KIAA1217: variants seen among roughly 807,000 people sequenced by gnomAD.
The protein encoded by KIAA1217 is KIAA1217, also known as sickle tail protein homolog.
Under a neutral mutation model 163.9 loss-of-function variants are expected in KIAA1217, and 88 were observed. The ratio of observed to expected loss-of-function variants is 0.54; its 90% CI spans 0.45 to 0.64. The LOEUF (loss-of-function observed/expected upper bound fraction) is 0.64. Ranked by LOEUF, KIAA1217 falls within the 30% of genes least tolerant of loss-of-function variation. KIAA1217 has a pLI of 0.00. For missense variants in KIAA1217, 2,372 were observed against 2,475.0 expected, an observed-to-expected ratio of 0.96 and a Z score of 0.88; for synonymous variants, 903 against 923.1, an observed-to-expected ratio of 0.98 and a Z score of 0.39.
rs4019609 is a variant in KIAA1217 at position 23,786,538 on chromosome 10, C to CAAAAAA, written c.-321+91314_-321+91319dup. ...ATTTTAAAGTCTATTCAGAAGTAGCCAAAAAAAAAAAAAAATTAGTTACAA... is the reference window on the plus strand; with the variant it reads ...ATTTTAAAGTCTATTCAGAAGTAGCCAAAAAAAAAAAAAAAAAAAAATTAGTTACAA... On this transcript the variant is annotated intron_variant, in intron 1 of 18. Transcript: ENST00000376462. Among the ~76,000 whole-genome samples the CAAAAAA allele has an allele frequency of 9.1e-3, 1,155 of 126,846 alleles. 14 individuals are homozygous for CAAAAAA. Among genetic ancestry groups the CAAAAAA allele is most frequent in the African/African-American group, 0.032 (1,116 of 34,646 alleles). 83.2% of individuals were successfully genotyped at this position (126,846 alleles called of 152,430 possible). A position where few individuals can be genotyped will look rare whatever the true frequency, so the allele number is the denominator to read the frequency against.
At chr10:23,759,381 C>T (rs1390768941) in intron 1 of KIAA1217, among the ~76,000 whole-genome samples, 1 of 152,066 alleles carries the variant, frequency 6.6e-6, no homozygotes, top group Non-Finnish European at 1.5e-5. Flanking sequence ...TCTTCCTTTC[C>T]AATTTGGATA....
At chr10:24,213,680 A>G (rs780603678) in intron 1 of KIAA1217, among the ~76,000 whole-genome samples, 1 of 152,136 alleles carries the variant, frequency 6.6e-6, no homozygotes, top group Non-Finnish European at 1.5e-5. Context: ...GTCAATAAAT[A>G]TTTGTATGAA....
intron 1 of KIAA1217, among the ~76,000 whole-genome samples, chr10:23,954,520 A>G (rs1844473278): frequency 6.6e-6 from 1 of 151,938 alleles, no homozygotes; most frequent in African/African-American, 2.4e-5. Context: ...AGCCATGAGC[A>G]TGCCACTGCA....
intron 2 of KIAA1217, among the ~76,000 whole-genome samples, chr10:24,321,439 G>A (rs555579395): frequency 1.4e-4 from 21 of 151,436 alleles, no homozygotes; most frequent in South Asian, 8.4e-4. Flanking sequence ...CTCAGGAGGC[G>A]GGAGAATTGC....
At chr10:23,754,733 G>A (rs990911738) in intron 1 of KIAA1217, among the ~76,000 whole-genome samples, 3 of 152,006 alleles carry the variant, frequency 2.0e-5, no homozygotes, top group African/African-American at 7.2e-5. Flanking sequence ...ACACTCAGCT[G>A]CTTAGATTTC....
At chr10:23,823,602 C>T (rs191633823) in intron 1 of KIAA1217, among the ~76,000 whole-genome samples, 70 of 152,196 alleles carry the variant, frequency 4.6e-4, no homozygotes, top group African/African-American at 1.6e-3. Context: ...TTCATAGGTT[C>T]CAGGGATTAG....
At chr10:24,318,081 A>G (rs1210616789) in intron 2 of KIAA1217, among the ~76,000 whole-genome samples, 1 of 152,142 alleles carries the variant, frequency 6.6e-6, no homozygotes, top group Non-Finnish European at 1.5e-5. Flanking sequence ...CGGAGGCAGG[A>G]AGATCACTTG....
intron 2 of KIAA1217, among the ~76,000 whole-genome samples, chr10:24,047,367 G>A (rs550641750): frequency 6.6e-6 from 1 of 152,090 alleles, no homozygotes; most frequent in Non-Finnish European, 1.5e-5. Flanking sequence ...CCTTGAGCAA[G>A]GCAATTATCC....
chr10:24,363,579 T>C (rs1374640514), intron 2 of KIAA1217, among the ~76,000 whole-genome samples: 3 of 151,360 alleles, frequency 2.0e-5, no homozygotes, highest in Non-Finnish European at 4.4e-5. Flanking sequence ...TTTTTTTTTT[T>C]TTTGAAACAG....
intron 2 of KIAA1217, among the ~76,000 whole-genome samples, chr10:24,274,771 A>T (rs1234108671): frequency 3.3e-5 from 5 of 152,112 alleles, no homozygotes; most frequent in Admixed American, 1.3e-4. Context: ...TAAAATATAT[A>T]TTATTGATTC....
chr10:24,445,688 T>C (rs1185826379), intron 5 of KIAA1217, among the ~76,000 whole-genome samples: 4 of 151,960 alleles, frequency 2.6e-5, no homozygotes, highest in Admixed American at 2.6e-4. Flanking sequence ...GCTTCATCCA[T>C]GTCCCTACAA....
chr10:24,182,369 G>C (rs1042937106), intron 2 of KIAA1217, among the ~76,000 whole-genome samples: 2 of 151,774 alleles, frequency 1.3e-5, no homozygotes, highest in Admixed American at 6.6e-5. Context: ...CCGGGGAGGT[G>C]GGGGGAGGGC....
At position 23,771,001 on chromosome 10, in the gene KIAA1217, C is replaced by T. The variant is rs530972987; in HGVS notation, c.-321+75767C>T. Reference sequence around the variant, plus strand: ...TTCTTTCTGTGATCAGCCCTTTTCTCCTTTCATCACCTTGATACAAGTCAT... The same window carrying T: ...TTCTTTCTGTGATCAGCCCTTTTCTTCTTTCATCACCTTGATACAAGTCAT... On this transcript the variant is annotated intron_variant, in intron 1 of 18. Coordinates refer to the KIAA1217 transcript ENST00000376462. 3.3e-5 allele frequency among the ~76,000 whole-genome samples: 5 copies of T among 152,324 alleles called. No homozygotes were observed. The South Asian group carries it at 1.0e-3, about 32-fold the overall frequency.
At chr10:24,503,840 C>T (rs919667018) in intron 9 of KIAA1217, among the ~76,000 whole-genome samples, 3 of 152,166 alleles carry the variant, frequency 2.0e-5, no homozygotes, top group African/African-American at 7.2e-5. Flanking sequence ...CATCTGCTGG[C>T]CATTTCGAAA....
intron 1 of KIAA1217, among the ~76,000 whole-genome samples, chr10:23,801,810 G>C (rs920228659): frequency 5.9e-5 from 9 of 152,158 alleles, no homozygotes; most frequent in African/African-American, 1.2e-4. Flanking sequence ...ATAAACTCAG[G>C]CATGGGTTCA....
At chr10:24,001,024 C>T (rs971719173) in intron 1 of KIAA1217, among the ~76,000 whole-genome samples, 17 of 151,984 alleles carry the variant, frequency 1.1e-4, no homozygotes, top group Middle Eastern at 3.4e-3. Flanking sequence ...TGAATTAAAA[C>T]CTTAACAATA....
chr10:23,798,937 A>G (rs550045420), intron 1 of KIAA1217, among the ~76,000 whole-genome samples: 1 of 152,166 alleles, frequency 6.6e-6, no homozygotes, highest in Non-Finnish European at 1.5e-5. Context: ...CAAAAAATAT[A>G]TTGTCTCACA....
chr10:23,986,355 G>A (rs1394224839), intron 1 of KIAA1217, among the ~76,000 whole-genome samples: 1 of 152,122 alleles, frequency 6.6e-6, no homozygotes, highest in Non-Finnish European at 1.5e-5. Flanking sequence ...GTTTCAGTGG[G>A]GAATTTGTTC....
intron 2 of KIAA1217, among the ~76,000 whole-genome samples, chr10:24,189,938 T>A (rs1186451740): frequency 2.6e-5 from 4 of 151,874 alleles, no homozygotes; most frequent in Non-Finnish European, 4.4e-5. Context: ...GGAAGATTGA[T>A]TGAGCCAAGG....
Sources: allele counts gnomAD v4.1 joint callset (sites outside exome capture counted in the v4.1 genomes callset), GRCh38; gene constraint gnomAD v4.1.1; transcripts MANE v1.5; gene names NCBI Gene and HGNC (gene_info 2026-07-23, HGNC 2026-07-21).